DNAAF9: variants seen among roughly 807,000 people sequenced by gnomAD.
DNAAF9 encodes dynein axonemal assembly factor 9.
In DNAAF9, 90 loss-of-function variants were observed where a neutral mutation model predicts 167.0. That is an observed-to-expected ratio of 0.54 (90% confidence interval 0.45 to 0.64). The LOEUF is 0.64. DNAAF9 is among the 30% of genes least tolerant of loss of function. The pLI, the probability that DNAAF9 is intolerant of heterozygous loss-of-function variation, is 0.00. For synonymous variants in DNAAF9, 491 were observed against 508.8 expected (o/e 0.96, Z 0.47); for missense variants, 1,315 against 1,442.2 (o/e 0.91, Z 1.43).
chr20:3,404,444 G>A (rs2084028988), intron 1 of DNAAF9, among the ~76,000 whole-genome samples: 1 of 152,130 alleles, frequency 6.6e-6, no homozygotes, highest in African/African-American at 2.4e-5. Flanking sequence ...TCAGAACTTG[G>A]AAGACACTGC....
chr20:3,291,291 G>A (rs1419049473), intron 25 of DNAAF9, among the ~76,000 whole-genome samples: 1 of 152,038 alleles, frequency 6.6e-6, no homozygotes, highest in African/African-American at 2.4e-5. Context: ...TGCAATCACC[G>A]AGGGAGGTCT....
Position 3,296,868 on chromosome 20 carries a change from T to C in DNAAF9, c.2011A>G (p.Lys671Glu). ...IQEDGLSVEQ[K>E]RLHSSAQKLF... ...ACTGAAGCAGCCACTTACAATCTCT[T>C]TTGTTCCACAGATAATCCATCTTCC... Residue 671 changes from lysine (K) to glutamate (E), a missense_variant, in exon 23 of 37, where the codon AAG (lysine) becomes GAG (glutamate). Transcript: ENST00000252032. 6.2e-7 allele frequency: 1 copy of C among 1,603,724 alleles called. No homozygotes were observed. Among genetic ancestry groups the C allele is most frequent in the Non-Finnish European group, 8.5e-7 (1 of 1,170,740 alleles).
In DNAAF9 at chr20:3,343,697, G is replaced by C. The variant is rs768850665; in HGVS notation, c.824C>G (p.Ser275Cys). 3 of 1,612,268 alleles carry C rather than the reference G, an allele frequency of 1.9e-6. No homozygotes were observed. Among genetic ancestry groups the C allele is most frequent in the Non-Finnish European group, 2.5e-6 (3 of 1,178,940 alleles). The change falls in exon 9 of 37, where the codon TCT becomes TGT. Residue 275 changes from serine (S) to cysteine (C), a missense_variant. By Grantham distance (112) the Ser-to-Cys change is moderately radical. Around this residue, in one of 2 missense-constraint regions of DNAAF9, gnomAD observed 981 missense variants for 1,012.5 expected, o/e 0.97. Coordinates refer to ENST00000252032, the MANE Select transcript of DNAAF9 (RefSeq NM_001009984.3). ...FRSYFSHGMI[S>C]SHITENSPNR... ...TTACCTGTTTTCAGTTATATGGCTA[G>C]AGATCATTCCATGACTGAAATAACT...
intron 1 of DNAAF9, among the ~76,000 whole-genome samples, chr20:3,389,806 C>A (rs1177839260): frequency 6.6e-6 from 1 of 151,830 alleles, no homozygotes; most frequent in Non-Finnish European, 1.5e-5. Context: ...GAGGCCAAGG[C>A]GGGAGGATTG....
intron 1 of DNAAF9, among the ~76,000 whole-genome samples, chr20:3,400,538 A>G (rs1376514391): frequency 6.7e-6 from 1 of 148,312 alleles, no homozygotes; most frequent in Non-Finnish European, 1.5e-5. Flanking sequence ...TTAAAAACAA[A>G]AAGAATGCCA....
intron 14 of DNAAF9, among the ~76,000 whole-genome samples, chr20:3,323,826 T>C (rs1333922904): frequency 6.6e-6 from 1 of 152,230 alleles, no homozygotes; most frequent in Non-Finnish European, 1.5e-5. Flanking sequence ...GGTAAGAGAA[T>C]ACCCCACTGT....
At chr20:3,319,100 A>AG (rs1300057907) in intron 16 of DNAAF9, among the ~76,000 whole-genome samples, 23 of 145,980 alleles carry the variant, frequency 1.6e-4, no homozygotes, top group African/African-American at 5.8e-4. Flanking sequence ...AAAAAAAAAA[A>AG]AAAAGAAAAA....
intron 8 of DNAAF9, among the ~76,000 whole-genome samples, chr20:3,347,161 T>C (rs1477668771): frequency 6.6e-6 from 1 of 152,002 alleles, no homozygotes; most frequent in Non-Finnish European, 1.5e-5. Flanking sequence ...GAGATTAGAA[T>C]AAAAGACTAT....
At chr20:3,339,561 T>G (rs1489285664) in intron 10 of DNAAF9, among the ~76,000 whole-genome samples, 4 of 152,326 alleles carry the variant, frequency 2.6e-5, no homozygotes, top group African/African-American at 9.6e-5. Context: ...CCATCTTAGA[T>G]GTACCTTGCA....
intron 1 of DNAAF9, among the ~76,000 whole-genome samples, chr20:3,389,833 CG>C (rs1568644969): frequency 6.6e-6 from 1 of 152,074 alleles, no homozygotes; most frequent in South Asian, 2.1e-4. Flanking sequence ...GTCAGGAGTT[CG>C]TAACCAGCCT....
intron 34 of DNAAF9, among the ~76,000 whole-genome samples, 192 bp downstream of exon 34, chr20:3,255,814 G>A (rs1351163297): frequency 1.3e-5 from 2 of 152,202 alleles, no homozygotes; most frequent in African/African-American, 4.8e-5. Flanking sequence ...CAACATAGCA[G>A]GCCTGCCTGG....
intron 29 of DNAAF9, among the ~76,000 whole-genome samples, chr20:3,276,853 G>GC (rs912075358): frequency 2.0e-5 from 3 of 152,114 alleles, no homozygotes; most frequent in African/African-American, 7.2e-5. Flanking sequence ...AGTCAATACT[G>GC]CCCCCTAGGC....
intron 7 of DNAAF9, among the ~76,000 whole-genome samples, chr20:3,354,855 T>C (rs1003540754): frequency 1.3e-5 from 2 of 152,204 alleles, no homozygotes; most frequent in Non-Finnish European, 2.9e-5. Flanking sequence ...CACCTAAGAA[T>C]CAAGCTCATA....
At chr20:3,264,167 G>A (rs1213531776) in intron 31 of DNAAF9, among the ~76,000 whole-genome samples, 1 of 152,204 alleles carries the variant, frequency 6.6e-6, no homozygotes, top group African/African-American at 2.4e-5. Context: ...GGGGCTGGAG[G>A]AACACAGGGC....
intron 23 of DNAAF9, 46 bp from the exon 24 acceptor site, chr20:3,294,675 C>G: frequency 7.9e-7 from 1 of 1,258,028 alleles, no homozygotes; most frequent in Middle Eastern, 1.9e-4. Flanking sequence ...CTTCCTTCAG[C>G]ATATACACTT....
rs1367707701 is a variant in DNAAF9, at chr20:3,249,943, T to G, written c.*2629A>C. On this transcript the variant is annotated 3_prime_UTR_variant, in exon 37 of 37. Transcript: ENST00000252032. Reference sequence around the variant, plus strand: ...CCCTTCCCTAGGATAATAATCCCATTTCCTCCAATTTCTGTCTCCTTCTTC... The same window carrying G: ...CCCTTCCCTAGGATAATAATCCCATGTCCTCCAATTTCTGTCTCCTTCTTC... The G allele has an allele frequency of 6.6e-6, 1 of 152,130 alleles. No homozygotes were observed. The highest frequency in any genetic ancestry group is 2.4e-5 in the African/African-American group (1 of 41,416). 9.4% of individuals were successfully genotyped at this position (152,130 alleles called of 1,614,324 possible). A position where few individuals can be genotyped will look rare whatever the true frequency, so the allele number is the denominator to read the frequency against.
chr20:3,394,075 C>T (rs1339315809), intron 1 of DNAAF9, among the ~76,000 whole-genome samples: 1 of 152,094 alleles, frequency 6.6e-6, no homozygotes, highest in African/African-American at 2.4e-5. Flanking sequence ...CAGTGGCTCC[C>T]GCCTGTAAAC....
intron 8 of DNAAF9, among the ~76,000 whole-genome samples, chr20:3,346,699 C>T (rs2070200287): frequency 6.6e-6 from 1 of 152,054 alleles, no homozygotes; most frequent in East Asian, 1.9e-4. Flanking sequence ...TTGTTACCTA[C>T]TGTCAATGGA....
intron 7 of DNAAF9, among the ~76,000 whole-genome samples, chr20:3,358,087 G>A (rs1333969335): frequency 6.6e-6 from 1 of 151,886 alleles, no homozygotes; most frequent in Non-Finnish European, 1.5e-5. Flanking sequence ...TTTTATTATA[G>A]GTATGTTGCT....
Sources: allele counts gnomAD v4.1 joint callset (sites outside exome capture counted in the v4.1 genomes callset), GRCh38; gene constraint gnomAD v4.1.1; regional missense constraint gnomAD v4.1.1; transcripts MANE v1.5; gene names NCBI Gene and HGNC (gene_info 2026-07-23, HGNC 2026-07-21).